The following SLC35F1 variants were observed in gnomAD, a reference collection of about 807,000 sequenced individuals.
SLC35F1 encodes the protein chromosome 6 open reading frame 169.
A neutral mutation model predicts 48.7 loss-of-function variants in SLC35F1; 14 were observed. The ratio of observed to expected loss-of-function variants is 0.29; its 90% CI spans 0.19 to 0.45. The LOEUF (loss-of-function observed/expected upper bound fraction) is 0.45, where lower values mean the gene tolerates loss of function less well. Ranked by LOEUF, SLC35F1 falls within the 20% of genes least tolerant of loss-of-function variation. SLC35F1 has a pLI of 1.00. For missense variants in SLC35F1, 404 were observed against 500.0 expected (o/e 0.81, Z 1.83); for synonymous variants, 190 against 202.2 (o/e 0.94, Z 0.51).
At chr6:118,221,248 C>T (rs1223945458) in intron 2 of SLC35F1, among the ~76,000 whole-genome samples, 2 of 152,100 alleles carry the variant, frequency 1.3e-5, no homozygotes, top group Non-Finnish European at 2.9e-5. Flanking sequence ...TTTTGTGGTC[C>T]AAGCATAGAT....
chr6:117,987,028 C>G (rs1381724693), intron 1 of SLC35F1, among the ~76,000 whole-genome samples: 1 of 152,144 alleles, frequency 6.6e-6, no homozygotes, highest in Non-Finnish European at 1.5e-5. Context: ...AGATAAACTG[C>G]CAGGGTTGAA....
chr6:117,988,425 A>G (rs1237153997), intron 1 of SLC35F1, among the ~76,000 whole-genome samples: 2 of 152,230 alleles, frequency 1.3e-5, no homozygotes, highest in African/African-American at 2.4e-5. Context: ...TCTCTAAGCC[A>G]TAGGAGACTT....
At chr6:118,139,392 G>A (rs6910376) in intron 1 of SLC35F1, among the ~76,000 whole-genome samples, 72,207 of 151,982 alleles carry the variant, frequency 0.48, 18,439 homozygotes, top group Middle Eastern at 0.62. Context: ...GATTACAGGC[G>A]TGAGCCACCG....
At chr6:118,073,438 T>G (rs886626005) in intron 1 of SLC35F1, among the ~76,000 whole-genome samples, 1 of 152,240 alleles carries the variant, frequency 6.6e-6, no homozygotes, top group African/African-American at 2.4e-5. Flanking sequence ...TGAAATGGAA[T>G]AATACTTGCA....
At chr6:117,965,519 C>T (rs1055101814) in intron 1 of SLC35F1, among the ~76,000 whole-genome samples, 5 of 152,172 alleles carry the variant, frequency 3.3e-5, no homozygotes, top group Non-Finnish European at 5.9e-5. Context: ...GAGGCCCTCT[C>T]CATTGTATTA....
intron 2 of SLC35F1, among the ~76,000 whole-genome samples, chr6:118,209,913 A>C (rs1774981635): frequency 6.6e-6 from 1 of 152,212 alleles, no homozygotes; most frequent in South Asian, 2.1e-4. Flanking sequence ...TCTATATGAC[A>C]AAAAGGAACA....
intron 1 of SLC35F1, among the ~76,000 whole-genome samples, chr6:118,016,501 A>G (rs1368258201): frequency 6.6e-6 from 1 of 152,220 alleles, no homozygotes; most frequent in Admixed American, 6.5e-5. Flanking sequence ...TTCATCAGCA[A>G]GGGTGGGAGG....
chr6:118,278,397 A>T (rs1775943538), intron 6 of SLC35F1, among the ~76,000 whole-genome samples: 1 of 152,202 alleles, frequency 6.6e-6, no homozygotes, highest in Non-Finnish European at 1.5e-5. Flanking sequence ...ATACAACTTT[A>T]GCCAAATTCT....
At position 118,316,631 on chromosome 6, in the gene SLC35F1, A is replaced by G. The variant is rs1776440892; in HGVS notation, c.*2379A>G. On this transcript the variant is annotated 3_prime_UTR_variant, in exon 8 of 8. Transcript: ENST00000360388. ...GAAATTATCTCCAAGTCCACTCAGTAGACTGGAGTTTTTTAAAAATATAAA... is the reference window on the plus strand; with the variant it reads ...GAAATTATCTCCAAGTCCACTCAGTGGACTGGAGTTTTTTAAAAATATAAA... The G allele has an allele frequency of 6.6e-6, 1 of 152,666 alleles. No individual in the cohort carries two copies. Among genetic ancestry groups the G allele is most frequent in the African/African-American group, 2.4e-5 (1 of 41,454 alleles). 9.5% of individuals were successfully genotyped at this position (152,666 alleles called of 1,614,324 possible). A position where few individuals can be genotyped will look rare whatever the true frequency, so the allele number is the denominator to read the frequency against.
intron 1 of SLC35F1, among the ~76,000 whole-genome samples, chr6:117,921,447 T>C (rs555663593): frequency 6.6e-6 from 1 of 152,386 alleles, no homozygotes; most frequent in African/African-American, 2.4e-5. Context: ...CAAATTTTAC[T>C]CTTTTTTAGC....
intron 2 of SLC35F1, among the ~76,000 whole-genome samples, chr6:118,161,654 T>C (rs907308774): frequency 5.9e-5 from 9 of 152,200 alleles, no homozygotes; most frequent in Non-Finnish European, 7.3e-5. Context: ...TTCCTAAGTA[T>C]GATTGGAGAA....
chr6:118,297,638 A>ATATAT (rs1175884886), intron 7 of SLC35F1, among the ~76,000 whole-genome samples: 5 of 89,004 alleles, frequency 5.6e-5, no homozygotes, highest in African/African-American at 2.6e-4. Context: ...ATATATATAT[A>ATATAT]AAAAATATAT....
At chr6:118,272,737 G>GTGTGTGTGTATATATATATATATA (rs201515909) in intron 4 of SLC35F1, among the ~76,000 whole-genome samples, 1 of 120,250 alleles carries the variant, frequency 8.3e-6, no homozygotes, top group African/African-American at 3.2e-5. Flanking sequence ...ATATGTGTGT[G>GTGTGTGTGTATATATATATATATA]TATATATATA....
intron 1 of SLC35F1, among the ~76,000 whole-genome samples, chr6:118,056,256 T>C (rs553120253): frequency 6.4e-4 from 97 of 152,344 alleles, no homozygotes; most frequent in African/African-American, 2.3e-3. Context: ...TTTAAATTTG[T>C]ATATCATTCT....
rs62423701 is a variant in SLC35F1, at chr6:118,212,794, A to G, written c.350-22715A>G. On this transcript the variant is annotated intron_variant, in intron 2 of 7. Transcript: ENST00000360388. ...AGGAAGGAAGGAAGGAAGGAAGGAA[A>G]GAAGGAAGGGCACTTATCCAAATTC... 5.7e-3 allele frequency among the ~76,000 whole-genome samples: 781 copies of G among 135,876 alleles called. 5 individuals carry two copies. The highest frequency in any genetic ancestry group is 0.016 in the African/African-American group (578 of 36,286). The allele number at this position is 135,876 out of a possible 152,430, so 89.1% of individuals were successfully genotyped here.
In SLC35F1 at chr6:118,311,694, G is replaced by A. The variant is rs535120354; in HGVS notation, c.1003-2334G>A. On this transcript the variant is annotated intron_variant, in intron 7 of 7. Transcript: ENST00000360388. ...TAGTTCCAGCTACTTGGGAAGCTGA[G>A]GTGGGAGGATCACATGATTCTGGAA... Among the ~76,000 whole-genome samples the A allele has an allele frequency of 3.3e-5, 5 of 152,308 alleles. No individual in the cohort carries two copies. In the South Asian group the frequency reaches 8.3e-4, roughly 25 times the overall value.
At chr6:118,060,392 T>C (rs1247942922) in intron 1 of SLC35F1, among the ~76,000 whole-genome samples, 1 of 152,058 alleles carries the variant, frequency 6.6e-6, no homozygotes, top group African/African-American at 2.4e-5. Context: ...TGAGTCTACA[T>C]CTGATGTCAT....
intron 3 of SLC35F1, among the ~76,000 whole-genome samples, chr6:118,253,715 T>A (rs1775605071): frequency 6.6e-6 from 1 of 151,784 alleles, no homozygotes; most frequent in African/African-American, 2.4e-5. Context: ...GAGAGAGTGG[T>A]TAGCAATGCC....
At chr6:117,968,341 A>T (rs1048971647) in intron 1 of SLC35F1, among the ~76,000 whole-genome samples, 1 of 152,184 alleles carries the variant, frequency 6.6e-6, no homozygotes, top group Non-Finnish European at 1.5e-5. Context: ...ATTGTTTGGT[A>T]AGAAGTTACA....
Sources: gnomAD v4.1 joint callset for allele counts (sites outside exome capture counted in the v4.1 genomes callset) on GRCh38, gnomAD v4.1.1 for gene constraint, MANE v1.5 for transcripts, NCBI Gene and HGNC (gene_info 2026-07-23, HGNC 2026-07-21) for gene names.